Variants in RNF144A observed in about 807,000 individuals in gnomAD.
RNF144A encodes E3 ubiquitin-protein ligase RNF144A.
In RNF144A, 11 loss-of-function variants were observed where a neutral mutation model predicts 38.7. That is an observed-to-expected ratio of 0.28 (90% CI 0.18 to 0.47). The LOEUF (loss-of-function observed/expected upper bound fraction) is 0.47. RNF144A is among the 20% of genes least tolerant of loss of function. The pLI, the probability that RNF144A is intolerant of heterozygous loss-of-function variation, is 0.99. For synonymous variants in RNF144A, 149 were observed against 143.9 expected (o/e 1.04, Z -0.25); for missense variants, 316 against 377.2 (o/e 0.84, Z 1.34).
chr2:6,935,107 T>G (rs1235585690), intron 1 of RNF144A, among the ~76,000 whole-genome samples: 3 of 152,204 alleles, frequency 2.0e-5, no homozygotes, highest in Non-Finnish European at 4.4e-5. Context: ...CTCTTCCTTC[T>G]TCTCTGAGCC....
downstream of RNF144A, among the ~76,000 whole-genome samples, chr2:7,047,130 A>C (rs1057391772): frequency 6.6e-6 from 1 of 152,188 alleles, no homozygotes; most frequent in African/African-American, 2.4e-5. Flanking sequence ...ATAGGTTTTC[A>C]TATTTGCCTG....
chr2:7,019,183 T>C (rs1468767317), intron 5 of RNF144A, among the ~76,000 whole-genome samples: 8 of 152,252 alleles, frequency 5.3e-5, no homozygotes, highest in Non-Finnish European at 1.2e-4. Flanking sequence ...CTACACAAGA[T>C]GGTTTCTGGA....
At chr2:7,060,338 G>T (rs1673904668) in intron 6 of RNF144A, among the ~76,000 whole-genome samples, 1 of 151,778 alleles carries the variant, frequency 6.6e-6, no homozygotes, top group Admixed American at 6.6e-5. Context: ...AATATTTCCA[G>T]AGCTGAGAGG....
Position 7,039,942 on chromosome 2 carries a change from G to T in RNF144A, c.*182G>T, listed in dbSNP as rs1237508322. On this transcript the variant is annotated 3_prime_UTR_variant, in exon 9 of 9. Transcript: ENST00000320892. The stretch of plus-strand genomic sequence containing the variant: ...GTCACAATGTTCGCTGAGGCCCCAG[G>T]TGTGGTGGGGAGGGGAGGCAGGTGT... The T allele has an allele frequency of 5.0e-6, 7 of 1,413,206 alleles. No homozygotes were observed. In the East Asian group the frequency reaches 1.3e-4, roughly 27 times the overall value. 87.5% of individuals were successfully genotyped at this position (1,413,206 alleles called of 1,614,324 possible).
chr2:7,038,980 T>A (rs1322838926), intron 8 of RNF144A, among the ~76,000 whole-genome samples: 4 of 150,176 alleles, frequency 2.7e-5, no homozygotes, highest in Non-Finnish European at 5.9e-5. Context: ...GATGGGTGGG[T>A]GGATGGTTGG....
chr2:6,922,313 A>T (rs905802478), intron 1 of RNF144A, among the ~76,000 whole-genome samples: 5 of 152,174 alleles, frequency 3.3e-5, no homozygotes, highest in African/African-American at 7.2e-5. Context: ...GCTTCTGCCT[A>T]TGGGAGCCTG....
chr2:7,041,850 A>G lies in RNF144A; in HGVS notation c.*2090A>G. The G allele has an allele frequency of 2.0e-6, 2 of 985,472 alleles. No individual in the cohort carries two copies. The highest frequency in any genetic ancestry group is 2.4e-6 in the Non-Finnish European group (2 of 829,964). 61.0% of individuals were successfully genotyped at this position (985,472 alleles called of 1,614,324 possible). On this transcript the variant is annotated 3_prime_UTR_variant, in exon 9 of 9. Transcript: ENST00000320892. ...GAGTCAGAGCCTTTGGAAAGGCTGC[A>G]TCCCCAGGGCTAGAGCTCAGATGAC...
rs1476053356 is a variant in RNF144A at position 7,041,195 on chromosome 2, A to C, written c.*1435A>C. The C allele has an allele frequency of 1.0e-6, 1 of 984,436 alleles. No individual in the cohort carries two copies. Among genetic ancestry groups the C allele is most frequent in the East Asian group, 1.1e-4 (1 of 8,826 alleles). 61.0% of individuals were successfully genotyped at this position (984,436 alleles called of 1,614,324 possible). The stretch of plus-strand genomic sequence containing the variant: ...TAAACATTCTATAAAGAAGTAAAAC[A>C]AAATCCTTTTATCTCAGTTATTTGC... On this transcript the variant is annotated 3_prime_UTR_variant, in exon 9 of 9. Transcript: ENST00000320892.
At chr2:6,930,170 A>T (rs1665113560) in intron 1 of RNF144A, among the ~76,000 whole-genome samples, 1 of 152,248 alleles carries the variant, frequency 6.6e-6, no homozygotes, top group Admixed American at 6.5e-5. Flanking sequence ...CCAAATGGAA[A>T]ACATCTAAAT....
rs929559068 is a variant in RNF144A at position 6,991,786 on chromosome 2, TAC to T, written c.-11-5120_-11-5119del. Among the ~76,000 whole-genome samples, 19 of 152,186 alleles carry T rather than the reference TAC, an allele frequency of 1.2e-4. 1 individual carries two copies. The highest frequency in any genetic ancestry group is 3.1e-4 in the African/African-American group (13 of 41,514). ...CTCATACATACATATATAATATATA[TAC>T]ACACACACATACATATATATCTCTC... On this transcript the variant is annotated intron_variant, in intron 2 of 8. Coordinates refer to ENST00000320892, the MANE Select transcript of RNF144A (RefSeq NM_014746.6).
At position 7,011,061 on chromosome 2, in the gene RNF144A, C is replaced by G. The variant is rs1670766825; in HGVS notation, c.136-3393C>G. On this transcript the variant is annotated intron_variant, in intron 3 of 8. Coordinates refer to ENST00000320892, the MANE Select transcript of RNF144A (RefSeq NM_014746.6). ...ATGCCCCTTTAAAGTACATACAATT[C>G]CTTGTTCTACAGAAAAAGTTTATGA... 3.3e-5 allele frequency among the ~76,000 whole-genome samples: 5 copies of G among 151,502 alleles called. No homozygotes were observed. In the South Asian group the frequency reaches 1.1e-3, roughly 32 times the overall value.
At chr2:7,051,557 G>A (rs1417226834) in intron 6 of RNF144A, among the ~76,000 whole-genome samples, 2 of 152,176 alleles carry the variant, frequency 1.3e-5, no homozygotes. Flanking sequence ...GGGGGTCTAT[G>A]CCCAGCCTGT....
chr2:6,965,573 C>A (rs146585744), intron 2 of RNF144A, among the ~76,000 whole-genome samples: 1 of 152,052 alleles, frequency 6.6e-6, no homozygotes, highest in African/African-American at 2.4e-5. Flanking sequence ...GAAGATGGGG[C>A]GGTGACTCTG....
At chr2:6,932,364 C>G (rs949412565) in intron 1 of RNF144A, among the ~76,000 whole-genome samples, 25 of 152,282 alleles carry the variant, frequency 1.6e-4, no homozygotes, top group Middle Eastern at 3.4e-3. Flanking sequence ...ATTTTACCCT[C>G]CCTGAATATC....
chr2:6,940,668 C>T (rs1665908560), intron 1 of RNF144A, among the ~76,000 whole-genome samples: 1 of 152,088 alleles, frequency 6.6e-6, no homozygotes, highest in Non-Finnish European at 1.5e-5. Flanking sequence ...AGCCGAATGG[C>T]TGTGATTGAA....
At position 6,972,062 on chromosome 2, in the gene RNF144A, G is replaced by A. The variant is rs879556841; in HGVS notation, c.-11-24854G>A. ...AATTACTGTCTCCCCCCAGGGTTCC[G>A]ATCCAGCCCACAAACTTATACAAGT... On this transcript the variant is annotated intron_variant, in intron 2 of 8. Transcript: ENST00000320892. Among the ~76,000 whole-genome samples the A allele has an allele frequency of 2.6e-5, 4 of 152,194 alleles. No individual in the cohort carries two copies. In the South Asian group the frequency reaches 6.2e-4, roughly 24 times the overall value.
intron 2 of RNF144A, among the ~76,000 whole-genome samples, chr2:6,961,262 G>A (rs914468187): frequency 1.2e-4 from 18 of 151,988 alleles, no homozygotes; most frequent in African/African-American, 4.1e-4. Flanking sequence ...AACATGTTGC[G>A]ATTATCTTTA....
intron 1 of RNF144A, among the ~76,000 whole-genome samples, chr2:6,936,221 A>T (rs569736585): frequency 6.6e-6 from 1 of 152,360 alleles, no homozygotes; most frequent in South Asian, 2.1e-4. Flanking sequence ...GAGAGGCCTT[A>T]AAGACTAAGA....
At chr2:6,955,091 C>A (rs1666918948) in intron 2 of RNF144A, among the ~76,000 whole-genome samples, 1 of 152,058 alleles carries the variant, frequency 6.6e-6, no homozygotes, top group African/African-American at 2.4e-5. Flanking sequence ...AATGACATGG[C>A]TTGTTAGGAT....
Sources: allele counts gnomAD v4.1 joint callset (sites outside exome capture counted in the v4.1 genomes callset), GRCh38; gene constraint gnomAD v4.1.1; transcripts MANE v1.5; gene names NCBI Gene and HGNC (gene_info 2026-07-23, HGNC 2026-07-21).